The following ZNF273 variants were observed in gnomAD, a reference collection of about 807,000 sequenced individuals.
ZNF273 encodes zinc finger protein 273, also known as zinc finger protein 9.
A neutral mutation model predicts 14.9 loss-of-function variants in ZNF273; 11 were observed. The observed-to-expected ratio is 0.74, with a 90% CI of 0.46 to 1.22. The LOEUF is 1.22. Ranked by LOEUF, ZNF273 falls within the 50% of genes most tolerant of loss-of-function variation. ZNF273 has a pLI of 0.00. For synonymous variants in ZNF273, 199 were observed against 223.9 expected (o/e 0.89, Z 0.99); for missense variants, 577 against 660.6 (o/e 0.87, Z 1.39).
intron 2 of ZNF273, among the ~76,000 whole-genome samples, 159 bp downstream of exon 2, chr7:64,917,866 C>T (rs1163630566): frequency 6.6e-6 from 1 of 151,996 alleles, no homozygotes; most frequent in Non-Finnish European, 1.5e-5. Flanking sequence ...CAAGATGTTT[C>T]ATCTTGACTT....
downstream of ZNF273, among the ~76,000 whole-genome samples, chr7:64,882,075 A>G (rs986398113): frequency 2.0e-5 from 3 of 151,790 alleles, no homozygotes; most frequent in African/African-American, 7.3e-5. Flanking sequence ...GAGAAGGGGG[A>G]GCCCCTAAAC....
At chr7:64,931,975 T>G (rs748673725), downstream of ZNF273, among the ~76,000 whole-genome samples, 5 of 152,188 alleles carry the variant, frequency 3.3e-5, no homozygotes, top group Non-Finnish European at 7.4e-5. Context: ...ATTCCAACAA[T>G]GTGTGCATCA....
chr7:64,934,809 A>C (rs1327557137), downstream of ZNF273, among the ~76,000 whole-genome samples: 1 of 151,952 alleles, frequency 6.6e-6, no homozygotes, highest in Non-Finnish European at 1.5e-5. Flanking sequence ...GTATCATATA[A>C]ATTTTAGATA....
chr7:64,885,294 T>C (rs1197143343), intron 1 of ZNF273, among the ~76,000 whole-genome samples: 1 of 152,230 alleles, frequency 6.6e-6, no homozygotes, highest in African/African-American at 2.4e-5. Flanking sequence ...CAAGGTGCTG[T>C]GACCTTAAAC....
intron 1 of ZNF273, chr7:64,878,327 G>A (rs915715135): frequency 1.3e-5 from 2 of 152,382 alleles, no homozygotes; most frequent in East Asian, 1.9e-4. Context: ...ACCTCCCAAG[G>A]CCCCATTGTC....
chr7:64,925,852 TATCTTTC>T (rs1794743262), intron 3 of ZNF273, among the ~76,000 whole-genome samples: 2 of 150,870 alleles, frequency 1.3e-5, no homozygotes, highest in Non-Finnish European at 3.0e-5. Flanking sequence ...TCTATGCTTT[TATCTTTC>T]AAGTTCTAGA....
At position 64,929,470 on chromosome 7, in the gene ZNF273, G is replaced by A. The variant is rs965442310; in HGVS notation, c.*432G>A. On this transcript the variant is annotated 3_prime_UTR_variant, in exon 4 of 4. Coordinates refer to ENST00000476120, the MANE Select transcript of ZNF273 (RefSeq NM_021148.3). ...AATTTATATTGGAGAAAAACCCTAT[G>A]AGTGTAATGAATTTGGAAAAATATT... is the stretch of plus-strand genomic sequence containing the variant. The A allele has an allele frequency of 6.6e-6, 1 of 152,594 alleles. No individual in the cohort carries two copies. The allele number at this position is 152,594 out of a possible 1,614,324, so 9.5% of individuals were successfully genotyped here.
downstream of ZNF273, among the ~76,000 whole-genome samples, chr7:64,882,021 C>T (rs1054727569): frequency 4.6e-5 from 7 of 152,166 alleles, no homozygotes; most frequent in African/African-American, 1.7e-4. Flanking sequence ...CGTGTCCTTT[C>T]CTTTGTCGTG....
At chr7:64,913,799 C>A (rs12539507) in intron 1 of ZNF273, among the ~76,000 whole-genome samples, 5,402 of 152,210 alleles carry the variant, frequency 0.035, 132 homozygotes, top group Middle Eastern at 0.082. Context: ...AGAGTTGGGT[C>A]AAAATTACGA....
chr7:64,893,978 G>A (rs1792209517), downstream of ZNF273: 1 of 151,952 alleles, frequency 6.6e-6, no homozygotes, highest in Admixed American at 6.6e-5. Flanking sequence ...ACTATTTTAA[G>A]TTCTTTTCGT....
At chr7:64,916,666 C>A (rs374768344) in intron 1 of ZNF273, among the ~76,000 whole-genome samples, 1 of 151,582 alleles carries the variant, frequency 6.6e-6, no homozygotes, top group Non-Finnish European at 1.5e-5. Flanking sequence ...TTTACTTTTG[C>A]GAGGGGCAAT....
At chr7:64,931,176 CAG>C (rs1249773098), downstream of ZNF273, among the ~76,000 whole-genome samples, 1 of 151,982 alleles carries the variant, frequency 6.6e-6, no homozygotes, top group Non-Finnish European at 1.5e-5. Context: ...CAAAAGAAAA[CAG>C]CAATATTGGA....
rs560168551 is a variant in ZNF273, at chr7:64,903,304, G to T, written c.-14G>T. 5 of 1,603,314 alleles carry T rather than the reference G, an allele frequency of 3.1e-6. No individual in the cohort carries two copies. The highest frequency in any genetic ancestry group is 3.4e-5 in the Admixed American group (2 of 59,598). ...CGCTGCAGTCGCAGCTCCAGGTCTC[G>T]TCTTCACTGCTCTATGTCCTCTGCT... On this transcript the variant is annotated 5_prime_UTR_variant, in exon 1 of 4. Transcript: ENST00000476120.
At chr7:64,918,172 A>G (rs765433731) in intron 2 of ZNF273, 25 bp from the exon 3 acceptor site, 4 of 1,540,382 alleles carry the variant, frequency 2.6e-6, no homozygotes, top group Admixed American at 1.7e-5. Context: ...AGCAAGATTC[A>G]TGTTACTCAT....
At chr7:64,932,234 A>ATAT (rs1343329597), downstream of ZNF273, among the ~76,000 whole-genome samples, 2 of 151,152 alleles carry the variant, frequency 1.3e-5, no homozygotes, top group East Asian at 2.0e-4. Flanking sequence ...TAAAAAAAAA[A>ATAT]AAAAATATCT....
chr7:64,925,565 G>A (rs1329502004), intron 3 of ZNF273, among the ~76,000 whole-genome samples: 1 of 151,976 alleles, frequency 6.6e-6, no homozygotes, highest in Non-Finnish European at 1.5e-5. Flanking sequence ...AGCCTCCTGA[G>A]TAGCTGGGAC....
downstream of ZNF273, among the ~76,000 whole-genome samples, chr7:64,934,400 C>A (rs896342226): frequency 6.6e-6 from 1 of 151,980 alleles, no homozygotes; most frequent in African/African-American, 2.4e-5. Flanking sequence ...ACTGCCTAGA[C>A]CAATGTAATG....
chr7:64,898,914 A>G (rs10270201), upstream of ZNF273, among the ~76,000 whole-genome samples: 4,999 of 152,264 alleles, frequency 0.033, 274 homozygotes, highest in African/African-American at 0.11. Context: ...TTTGTTCCCC[A>G]TAAGTTTTCT....
chr7:64,889,867 A>G (rs1486037961), downstream of ZNF273: 1 of 663,018 alleles, frequency 1.5e-6, no homozygotes, highest in Admixed American at 6.3e-5. The surrounding 1 kb of genome is among the most constrained non-coding windows in gnomAD (Gnocchi z 4.2). Flanking sequence ...TGCTGCCTCT[A>G]TGTCGGCTTC....
Sources: allele counts gnomAD v4.1 joint callset (sites outside exome capture counted in the v4.1 genomes callset), GRCh38; gene constraint gnomAD v4.1.1; non-coding constraint Gnocchi (gnomAD v3.1); transcripts MANE v1.5; gene names NCBI Gene and HGNC (gene_info 2026-07-23, HGNC 2026-07-21).